Variants in PLA2G4E observed in about 807,000 individuals in gnomAD.
PLA2G4E encodes the protein cytosolic phospholipase A2 epsilon.
Under a neutral mutation model 109.1 loss-of-function variants are expected in PLA2G4E, and 84 were observed. The ratio of observed to expected loss-of-function variants is 0.77; its 90% CI spans 0.65 to 0.92. The LOEUF (loss-of-function observed/expected upper bound fraction) is 0.92. Ranked by LOEUF, PLA2G4E falls within the 40% of genes least tolerant of loss-of-function variation. PLA2G4E has a pLI of 0.00. For synonymous variants in PLA2G4E, 469 were observed against 436.1 expected (o/e 1.08, Z -0.94); for missense variants, 1,057 against 1,076.6 (o/e 0.98, Z 0.25).
chr15:42,011,843 C>A (rs2068539168), intron 2 of PLA2G4E, among the ~76,000 whole-genome samples: 1 of 152,076 alleles, frequency 6.6e-6, no homozygotes, highest in Admixed American at 6.5e-5. Context: ...TGAACTCTGC[C>A]CAAGAGTGGG....
chr15:42,001,116 C>G, intron 7 of PLA2G4E, 41 bp downstream of exon 7: 1 of 1,565,014 alleles, frequency 6.4e-7, no homozygotes, highest in Non-Finnish European at 8.8e-7. Flanking sequence ...GAAGCAGCTC[C>G]CCCTTGTCCC....
Position 41,983,794 on chromosome 15 carries a change from A to T in PLA2G4E, c.2567T>A (p.Val856Glu), listed in dbSNP as rs1246360063. ...GCCCTTCAGGCGCTTCTTCTTCTCC[A>T]CTGCGAGCCGCAGAGCCTGGAGGAG... The change falls in exon 20 of 20, where the codon GTG (valine) becomes GAG (glutamate). Residue 856 changes from valine to glutamate, a missense_variant. Physicochemically the swap from Val to Glu is moderately radical, Grantham distance 121. Transcript: ENST00000399518. 3.1e-6 allele frequency: 5 copies of T among 1,605,842 alleles called. No individual in the cohort carries two copies. In the African/African-American group the frequency reaches 6.7e-5, roughly 21 times the overall value.
At chr15:42,009,566 C>A (rs1195705018) in intron 2 of PLA2G4E, among the ~76,000 whole-genome samples, 1 of 152,196 alleles carries the variant, frequency 6.6e-6, no homozygotes, top group Non-Finnish European at 1.5e-5. Context: ...AAGTGGCTGA[C>A]CCTGCTCACT....
In PLA2G4E at chr15:41,990,149, C is replaced by T. The variant is rs751281433; in HGVS notation, c.1557G>A (p.Lys519=). 9 of 1,613,380 alleles carry T rather than the reference C, an allele frequency of 5.6e-6. No individual in the cohort carries two copies. In the African/African-American group the frequency reaches 8.0e-5, roughly 14 times the overall value. The change falls in exon 14 of 20, where the codon AAG becomes AAA. Residue 519 remains lysine (K), a synonymous_variant. Coordinates refer to ENST00000399518, the Ensembl canonical transcript of PLA2G4E. ...TGAAGTCCTGGTTGCTTACATCATCCTTGACATTGATGGTGAGGTAGATGG... is the reference window on the plus strand; with the variant it reads ...TGAAGTCCTGGTTGCTTACATCATCTTTGACATTGATGGTGAGGTAGATGG...
chr15:42,022,819 C>A (rs1211568877), intron 1 of PLA2G4E, among the ~76,000 whole-genome samples: 3 of 152,080 alleles, frequency 2.0e-5, no homozygotes, highest in Admixed American at 6.5e-5. Context: ...GGGTTGGGGG[C>A]CCCTGGTTTA....
intron 1 of PLA2G4E, among the ~76,000 whole-genome samples, chr15:42,015,269 C>A (rs1048179080): frequency 6.6e-6 from 1 of 152,208 alleles, no homozygotes. Flanking sequence ...CTCTTCCAGC[C>A]GCACCAGCTT....
intron 7 of PLA2G4E, among the ~76,000 whole-genome samples, chr15:42,000,711 T>C (rs1566840319): frequency 1.3e-5 from 2 of 151,710 alleles, no homozygotes; most frequent in Admixed American, 1.3e-4. Context: ...GGGAGTAGGG[T>C]AGGGGTATGG....
At chr15:42,015,519 C>A (rs746467444) in intron 1 of PLA2G4E, among the ~76,000 whole-genome samples, 1 of 152,214 alleles carries the variant, frequency 6.6e-6, no homozygotes. Flanking sequence ...GAGTGCCAGC[C>A]CTCTGATTGT....
At chr15:41,984,590 A>G (rs1249816925) in exon 19 of PLA2G4E, 3 of 1,611,788 alleles carry the variant, frequency 1.9e-6, no homozygotes, top group African/African-American at 2.7e-5. Flanking sequence ...TGTTCTGCAC[A>G]GTGCAGTACT....
intron 17 of PLA2G4E, among the ~76,000 whole-genome samples, chr15:41,986,507 C>T (rs943973402): frequency 5.3e-5 from 8 of 151,060 alleles, no homozygotes; most frequent in Non-Finnish European, 7.4e-5. Flanking sequence ...CAGTTCCAAG[C>T]GGGCACCACT....
chr15:42,039,870 C>T (rs776519908), intron 1 of PLA2G4E, among the ~76,000 whole-genome samples: 7 of 152,088 alleles, frequency 4.6e-5, no homozygotes, highest in Non-Finnish European at 8.8e-5. Context: ...CTAAATTGAT[C>T]TATTTATTTA....
At chr15:42,031,547 A>T (rs7496299) in intron 1 of PLA2G4E, among the ~76,000 whole-genome samples, 69,069 of 151,550 alleles carry the variant, frequency 0.46, 16,469 homozygotes, top group African/African-American at 0.57. Context: ...TTTCTCCCAT[A>T]GGCTTCCCTT....
exon 3 of PLA2G4E, chr15:42,007,772 T>C (rs757661801): frequency 3.7e-6 from 6 of 1,612,856 alleles, no homozygotes; most frequent in Non-Finnish European, 4.2e-6. Context: ...TTCATTCCAC[T>C]CTGGATTTGG....
chr15:42,000,127 G>A, exon 8 of PLA2G4E: 1 of 1,592,116 alleles, frequency 6.3e-7, no homozygotes. Context: ...TGACTCTTGG[G>A]CACTTCCACG....
intron 14 of PLA2G4E, 39 bp downstream of exon 14, chr15:41,990,082 C>A: frequency 1.9e-6 from 3 of 1,565,762 alleles, no homozygotes; most frequent in South Asian, 1.1e-5. Flanking sequence ...GAAGTCCCCC[C>A]CTCCACCCCA....
chr15:41,989,620 C>T, intron 14 of PLA2G4E, 68 bp from the exon 15 acceptor site: 2 of 1,539,556 alleles, frequency 1.3e-6, no homozygotes, highest in South Asian at 1.2e-5. Flanking sequence ...CCGGGCCCCC[C>T]TCCTGCCTGC....
chr15:42,013,741 C>A (rs941760011), exon 2 of PLA2G4E: 1 of 1,550,552 alleles, frequency 6.4e-7, no homozygotes, highest in African/African-American at 1.4e-5. Flanking sequence ...CAACAGGTGG[C>A]ATGGAGACAG....
intron 1 of PLA2G4E, among the ~76,000 whole-genome samples, chr15:42,050,043 C>T (rs1043312995): frequency 1.3e-5 from 2 of 152,226 alleles, no homozygotes; most frequent in Non-Finnish European, 2.9e-5. Flanking sequence ...TGGAATTACA[C>T]TTACGACCCT....
At chr15:42,022,961 G>C (rs369452686) in intron 1 of PLA2G4E, among the ~76,000 whole-genome samples, 7 of 152,126 alleles carry the variant, frequency 4.6e-5, no homozygotes, top group Non-Finnish European at 1.0e-4. Flanking sequence ...GGCTTTAGAC[G>C]AGGAATGGGA....
Sources: allele counts gnomAD v4.1 joint callset (sites outside exome capture counted in the v4.1 genomes callset), GRCh38; gene constraint gnomAD v4.1.1; transcripts MANE v1.5; gene names NCBI Gene and HGNC (gene_info 2026-07-23, HGNC 2026-07-21).